The following OPCML variants were observed in gnomAD, a reference collection of about 807,000 sequenced individuals.
OPCML encodes opioid-binding protein/cell adhesion molecule.
In OPCML, 13 loss-of-function variants were observed where a neutral mutation model predicts 37.8. That is an observed-to-expected ratio of 0.34 (90% CI 0.22 to 0.55). OPCML has a LOEUF of 0.55. Among genes scored for constraint, OPCML ranks in the 20% least tolerant of loss-of-function variants. The pLI is 0.91. For missense variants in OPCML, 341 were observed against 435.6 expected, an observed-to-expected ratio of 0.78 and a Z score of 1.93; for synonymous variants, 176 against 168.8, an observed-to-expected ratio of 1.04 and a Z score of -0.33.
At chr11:133,109,215 G>A (rs924249673) in intron 1 of OPCML, among the ~76,000 whole-genome samples, 3 of 152,164 alleles carry the variant, frequency 2.0e-5, no homozygotes, top group Admixed American at 1.3e-4. Context: ...TGAAGCCACG[G>A]AACTTTGCCG....
chr11:133,450,790 GA>G (rs1946565720), intron 1 of OPCML, among the ~76,000 whole-genome samples: 1 of 151,690 alleles, frequency 6.6e-6, no homozygotes, highest in East Asian at 1.9e-4. Flanking sequence ...TATTGTCCTG[GA>G]TAGCTCAATG....
At chr11:133,179,548 A>C (rs1379854640) in intron 1 of OPCML, among the ~76,000 whole-genome samples, 1 of 152,114 alleles carries the variant, frequency 6.6e-6, no homozygotes, top group African/African-American at 2.4e-5. Flanking sequence ...TCCATCCTTC[A>C]CTCAGCAGAC....
chr11:132,883,053 G>A (rs1943274782), intron 2 of OPCML, among the ~76,000 whole-genome samples: 1 of 152,206 alleles, frequency 6.6e-6, no homozygotes. Context: ...TGGAGGCAGT[G>A]AGGCTTTCCC....
intron 3 of OPCML, among the ~76,000 whole-genome samples, chr11:132,619,851 CAA>C (rs34927802): frequency 7.1e-5 from 8 of 112,850 alleles, no homozygotes; most frequent in Admixed American, 1.9e-4. Flanking sequence ...GACTCCATGT[CAA>C]AAAAAAAAAA....
chr11:133,318,321 C>G (rs780591981), intron 1 of OPCML, among the ~76,000 whole-genome samples: 9 of 152,194 alleles, frequency 5.9e-5, no homozygotes, highest in African/African-American at 1.4e-4. Context: ...AGTCAGTTTA[C>G]GAAGAACTCC....
At chr11:133,133,730 G>T (rs1165972165) in intron 1 of OPCML, among the ~76,000 whole-genome samples, 5 of 152,142 alleles carry the variant, frequency 3.3e-5, no homozygotes, top group African/African-American at 1.2e-4. Context: ...ACACCAGACT[G>T]CCAGCTTCCT....
intron 2 of OPCML, among the ~76,000 whole-genome samples, chr11:132,931,961 G>A (rs919772062): frequency 6.6e-6 from 1 of 152,174 alleles, no homozygotes; most frequent in African/African-American, 2.4e-5. Flanking sequence ...TCTGACCCAT[G>A]CTACAGCATG....
intron 1 of OPCML, among the ~76,000 whole-genome samples, chr11:133,064,463 G>A (rs981843270): frequency 6.6e-6 from 1 of 152,238 alleles, no homozygotes; most frequent in Non-Finnish European, 1.5e-5. Flanking sequence ...CCAGGAGGAG[G>A]GTCAAATGGG....
At chr11:132,886,919 T>C (rs1478904550) in intron 2 of OPCML, among the ~76,000 whole-genome samples, 2 of 152,142 alleles carry the variant, frequency 1.3e-5, no homozygotes, top group Admixed American at 1.3e-4. Flanking sequence ...AGTGGCTCAC[T>C]ACAGTGGAAA....
At chr11:133,359,786 A>G (rs981974750) in intron 1 of OPCML, among the ~76,000 whole-genome samples, 3 of 152,206 alleles carry the variant, frequency 2.0e-5, no homozygotes, top group African/African-American at 7.2e-5. Context: ...TTATCTTGTT[A>G]TCCTCGGTAT....
chr11:133,216,323 A>C (rs1191344188), intron 1 of OPCML, among the ~76,000 whole-genome samples: 1 of 152,238 alleles, frequency 6.6e-6, no homozygotes. Context: ...TATGAAAGAG[A>C]AATGAGCCAT....
At chr11:132,505,856 C>T (rs74700893) in intron 4 of OPCML, among the ~76,000 whole-genome samples, 1 of 151,488 alleles carries the variant, frequency 6.6e-6, no homozygotes, top group African/African-American at 2.4e-5. Context: ...ACAGAACCAA[C>T]CATTAAATAT....
At chr11:132,509,380 G>A (rs1318353585) in intron 4 of OPCML, among the ~76,000 whole-genome samples, 1 of 152,176 alleles carries the variant, frequency 6.6e-6, no homozygotes, top group African/African-American at 2.4e-5. Flanking sequence ...ATTCACGCCA[G>A]CTGCAGAAAT....
rs189782420 is a variant in OPCML at position 133,335,585 on chromosome 11, G to C, written c.61+196679C>G. 5.3e-5 allele frequency among the ~76,000 whole-genome samples: 8 copies of C among 152,240 alleles called. No homozygotes were observed. The East Asian group carries it at 1.4e-3, about 26-fold the overall frequency. ...CAGCCTCCCTAAAATTGTTTTCAAT[G>C]ATGGCCTCTGGACTAGAGGATAAGT... On this transcript the variant is annotated intron_variant, in intron 1 of 7. Transcript: ENST00000524381.
chr11:132,435,846 G>A (rs1394537342), intron 7 of OPCML, among the ~76,000 whole-genome samples: 1 of 152,180 alleles, frequency 6.6e-6, no homozygotes, highest in Admixed American at 6.5e-5. Context: ...TCACAGTTTG[G>A]TTTACTGCTA....
intron 2 of OPCML, among the ~76,000 whole-genome samples, chr11:132,733,379 G>A (rs984772924): frequency 2.0e-5 from 3 of 152,120 alleles, no homozygotes; most frequent in South Asian, 2.1e-4. Flanking sequence ...GAAGATTTCC[G>A]CTTGTCTGCT....
At chr11:133,069,012 G>T (rs543848676) in intron 1 of OPCML, among the ~76,000 whole-genome samples, 1 of 152,316 alleles carries the variant, frequency 6.6e-6, no homozygotes, top group African/African-American at 2.4e-5. Flanking sequence ...ATAATTTGGA[G>T]CTAGATGGAT....
chr11:132,527,319 T>C (rs1419125134), intron 4 of OPCML, among the ~76,000 whole-genome samples: 2 of 152,156 alleles, frequency 1.3e-5, no homozygotes, highest in Non-Finnish European at 2.9e-5. Context: ...TTGTTTCCTA[T>C]AGGGCTTATA....
intron 1 of OPCML, among the ~76,000 whole-genome samples, chr11:133,345,165 G>A (rs751589189): frequency 1.3e-5 from 2 of 152,060 alleles, no homozygotes; most frequent in Non-Finnish European, 2.9e-5. Context: ...TGCTGCCATC[G>A]CATCAAAGCC....
Sources: gnomAD v4.1 joint callset for allele counts (sites outside exome capture counted in the v4.1 genomes callset) on GRCh38, gnomAD v4.1.1 for gene constraint, MANE v1.5 for transcripts, NCBI Gene and HGNC (gene_info 2026-07-23, HGNC 2026-07-21) for gene names.